The following GDA variants were observed in gnomAD, a reference collection of about 807,000 sequenced individuals.
The protein encoded by GDA is guanine deaminase.
Under a neutral mutation model 59.6 loss-of-function variants are expected in GDA, and 18 were observed. The ratio of observed to expected loss-of-function variants is 0.30; its 90% CI spans 0.21 to 0.45. GDA has a LOEUF of 0.45. Ranked by LOEUF, GDA falls within the 20% of genes least tolerant of loss-of-function variation. The pLI, the probability that GDA is intolerant of heterozygous loss-of-function variation, is 1.00. For synonymous variants in GDA, 201 were observed against 201.1 expected, an observed-to-expected ratio of 1.00 and a Z score of 0.00; for missense variants, 427 against 552.3, an observed-to-expected ratio of 0.77 and a Z score of 2.27.
At chr9:72,149,228 A>AGCTGATCTTCTGAGCCTCAGCTGTG (rs1826835980), upstream of GDA, 3 of 322,876 alleles carry the variant, frequency 9.3e-6, no homozygotes, top group Non-Finnish European at 1.7e-5. Flanking sequence ...AGGTGGAGGA[A>AGCTGATCTTCTGAGCCTCAGCTGTG]GCTGATCTTC....
At chr9:72,118,164 C>G (rs1258845745) in intron 1 of GDA, among the ~76,000 whole-genome samples, 1 of 142,722 alleles carries the variant, frequency 7.0e-6, no homozygotes, top group Admixed American at 7.5e-5. Flanking sequence ...CCCAGCTACT[C>G]GGGAGGCTGA....
intron 2 of GDA, among the ~76,000 whole-genome samples, chr9:72,196,133 C>T (rs893271467): frequency 2.6e-5 from 4 of 151,446 alleles, no homozygotes; most frequent in South Asian, 2.1e-4. Context: ...TTTTAATATT[C>T]GTTATATTTC....
Position 72,219,465 on chromosome 9 carries a change from T to C in GDA, c.579-14T>C. On this transcript the variant is annotated splice_polypyrimidine_tract_variant and intron_variant, in intron 5 of 13. Transcript: ENST00000358399. Reference sequence around the variant, plus strand: ...ATGCTCAAGTTTTCTAACCCATTTGTTGCTTTATTTCAGATTTGTGTCAGA... The same window carrying C: ...ATGCTCAAGTTTTCTAACCCATTTGCTGCTTTATTTCAGATTTGTGTCAGA... The C allele has an allele frequency of 5.1e-6, 8 of 1,570,598 alleles. No individual in the cohort carries two copies. The highest frequency in any genetic ancestry group is 7.0e-6 in the Non-Finnish European group (8 of 1,148,814).
At chr9:72,203,816 T>G (rs1348841511) in intron 3 of GDA, among the ~76,000 whole-genome samples, 1 of 152,064 alleles carries the variant, frequency 6.6e-6, no homozygotes, top group African/African-American at 2.4e-5. Context: ...AGTGCTTTTT[T>G]TTTTTCTTCT....
intron 2 of GDA, among the ~76,000 whole-genome samples, chr9:72,198,861 A>ATATATATATATATAT (rs1491123372): frequency 1.2e-4 from 18 of 147,776 alleles, no homozygotes; most frequent in South Asian, 4.2e-4. Flanking sequence ...ATATATATAT[A>ATATATATATATATAT]AAATTTTTTT....
At chr9:72,224,128 T>C (rs1837245411) in intron 7 of GDA, among the ~76,000 whole-genome samples, 1 of 152,202 alleles carries the variant, frequency 6.6e-6, no homozygotes, top group Non-Finnish European at 1.5e-5. Flanking sequence ...ACAAAATGCT[T>C]CTGTCGCCGA....
chr9:72,124,203 C>G (rs1422185810), intron 1 of GDA, among the ~76,000 whole-genome samples: 2 of 152,164 alleles, frequency 1.3e-5, no homozygotes, highest in African/African-American at 4.8e-5. Flanking sequence ...TTATTTGTAT[C>G]AGCCATGGCA....
chr9:72,161,394 A>G (rs1292762501), intron 1 of GDA, among the ~76,000 whole-genome samples: 1 of 152,160 alleles, frequency 6.6e-6, no homozygotes, highest in Non-Finnish European at 1.5e-5. Flanking sequence ...ACCACAGGAT[A>G]ACCAGGTTAT....
At chr9:72,129,698 C>A (rs1445672409) in intron 1 of GDA, among the ~76,000 whole-genome samples, 2 of 152,196 alleles carry the variant, frequency 1.3e-5, no homozygotes, top group Non-Finnish European at 1.5e-5. Flanking sequence ...TTGCTCACAA[C>A]AGATTCCATG....
At chr9:72,172,984 CA>C (rs1167559617) in intron 1 of GDA, among the ~76,000 whole-genome samples, 1 of 152,172 alleles carries the variant, frequency 6.6e-6, no homozygotes, top group African/African-American at 2.4e-5. Context: ...ACCCTAACTG[CA>C]AATTATAACA....
intron 1 of GDA, among the ~76,000 whole-genome samples, chr9:72,160,183 G>A (rs528623362): frequency 2.1e-4 from 32 of 152,058 alleles, no homozygotes; most frequent in East Asian, 3.9e-4. Context: ...GGTGGCGGGC[G>A]CCTGTAGTCC....
At chr9:72,168,510 T>A (rs1488985858) in intron 1 of GDA, among the ~76,000 whole-genome samples, 1 of 150,848 alleles carries the variant, frequency 6.6e-6, no homozygotes, top group Non-Finnish European at 1.5e-5. Context: ...TTCTTGTGTC[T>A]CAACCACCCA....
chr9:72,145,713 A>T (rs967377323), upstream of GDA, among the ~76,000 whole-genome samples: 8 of 152,200 alleles, frequency 5.3e-5, no homozygotes, highest in Non-Finnish European at 1.0e-4. Flanking sequence ...TCTGAAATAG[A>T]GAAAATTGAG....
intron 1 of GDA, among the ~76,000 whole-genome samples, chr9:72,120,384 A>G (rs1197914826): frequency 6.6e-6 from 1 of 152,062 alleles, no homozygotes; most frequent in Admixed American, 6.6e-5. Flanking sequence ...AGCAGAGACA[A>G]GCTTTCACCA....
chr9:72,121,221 C>T (rs966004601), intron 1 of GDA, among the ~76,000 whole-genome samples: 1 of 152,132 alleles, frequency 6.6e-6, no homozygotes, highest in African/African-American at 2.4e-5. Context: ...GGAAATGAAA[C>T]TCCAAAAGGA....
Position 72,187,978 on chromosome 9 carries a change from A to G in GDA, c.124-7522A>G, listed in dbSNP as rs555151254. 8.5e-5 allele frequency among the ~76,000 whole-genome samples: 13 copies of G among 152,384 alleles called. No homozygotes were observed. In the East Asian group the frequency reaches 2.5e-3, roughly 29 times the overall value. ...AGGTGGAATTTAAAAGTGATGAAAT[A>G]GGATATCTAGCTGAAGACATATTTA... On this transcript the variant is annotated intron_variant, in intron 1 of 13. Transcript: ENST00000358399.
chr9:72,241,416 A>C (rs1839599255), intron 11 of GDA, 118 bp downstream of exon 11: 2 of 701,660 alleles, frequency 2.9e-6, no homozygotes, highest in Admixed American at 5.3e-5. Flanking sequence ...TGATGATCAC[A>C]TCTCATGTAA....
At chr9:72,210,825 C>A in intron 4 of GDA, 51 bp downstream of exon 4, 1 of 1,116,080 alleles carries the variant, frequency 9.0e-7, no homozygotes, top group Non-Finnish European at 1.4e-6. Context: ...GACAGCCAGA[C>A]CATCGTGGCA....
At chr9:72,230,240 C>T (rs954689841) in intron 9 of GDA, among the ~76,000 whole-genome samples, 6 of 152,094 alleles carry the variant, frequency 3.9e-5, no homozygotes, top group African/African-American at 1.4e-4. Flanking sequence ...TGCCTGCAGT[C>T]CCAGCACTTT....
Sources: allele counts gnomAD v4.1 joint callset (sites outside exome capture counted in the v4.1 genomes callset), GRCh38; gene constraint gnomAD v4.1.1; transcripts MANE v1.5; gene names NCBI Gene and HGNC (gene_info 2026-07-23, HGNC 2026-07-21).